COMMD10: variants seen among roughly 807,000 people sequenced by gnomAD.
COMMD10 encodes COMM domain-containing protein 10.
A neutral mutation model predicts 28.9 loss-of-function variants in COMMD10; 33 were observed. The ratio of observed to expected loss-of-function variants is 1.14; its 90% CI spans 0.87 to 1.53. The LOEUF (loss-of-function observed/expected upper bound fraction) is 1.53. Ranked by LOEUF, COMMD10 falls within the 40% of genes most tolerant of loss-of-function variation. The probability of loss-of-function intolerance (pLI) is 0.00; values close to 1 mark genes in which losing one functional copy is unlikely to be tolerated. For synonymous variants in COMMD10, 110 were observed against 81.7 expected, an observed-to-expected ratio of 1.35 and a Z score of -1.87; for missense variants, 310 against 233.4, an observed-to-expected ratio of 1.33 and a Z score of -2.14.
At chr5:116,129,101 T>C (rs1751765617) in intron 4 of COMMD10, among the ~76,000 whole-genome samples, 1 of 151,836 alleles carries the variant, frequency 6.6e-6, no homozygotes, top group South Asian at 2.1e-4. Context: ...TTTGATTCAG[T>C]ATCTACTGAT....
At chr5:116,106,397 C>T (rs1300352303) in intron 4 of COMMD10, among the ~76,000 whole-genome samples, 3 of 152,118 alleles carry the variant, frequency 2.0e-5, no homozygotes, top group Non-Finnish European at 4.4e-5. Context: ...GAGTGTTTTA[C>T]TTCCAATTAT....
chr5:116,276,870 G>T (rs149806663), intron 5 of COMMD10, among the ~76,000 whole-genome samples: 2 of 151,728 alleles, frequency 1.3e-5, no homozygotes, highest in Non-Finnish European at 2.9e-5. Flanking sequence ...GAGGGAGCAG[G>T]GGGTAAGACA....
chr5:116,232,704 A>G (rs542448405), intron 5 of COMMD10, among the ~76,000 whole-genome samples: 1 of 152,314 alleles, frequency 6.6e-6, no homozygotes, highest in South Asian at 2.1e-4. Flanking sequence ...CTCCGTCTCA[A>G]AAAATTAGCA....
chr5:116,245,847 A>C (rs1366525084), intron 5 of COMMD10, among the ~76,000 whole-genome samples: 1 of 152,168 alleles, frequency 6.6e-6, no homozygotes, highest in Non-Finnish European at 1.5e-5. Context: ...TCAAAATGAG[A>C]GTCTTCTATG....
At chr5:116,139,040 C>A (rs12514785) in intron 5 of COMMD10, among the ~76,000 whole-genome samples, 11,035 of 151,638 alleles carry the variant, frequency 0.073, 464 homozygotes, top group Admixed American at 0.13. Context: ...GGATTTGAAT[C>A]CAGGCAATTT....
At chr5:116,193,205 C>G (rs943544761) in intron 5 of COMMD10, among the ~76,000 whole-genome samples, 2 of 152,148 alleles carry the variant, frequency 1.3e-5, no homozygotes, top group Non-Finnish European at 2.9e-5. Context: ...AAAACAGAAC[C>G]TCTTCAAAGA....
chr5:116,087,943 A>G (rs1750165094), intron 2 of COMMD10, among the ~76,000 whole-genome samples: 2 of 152,164 alleles, frequency 1.3e-5, no homozygotes, highest in Admixed American at 1.3e-4. Flanking sequence ...TTAGGGAAAA[A>G]TTCTGATGTC....
intron 5 of COMMD10, among the ~76,000 whole-genome samples, chr5:116,230,616 C>T (rs376444784): frequency 1.3e-5 from 2 of 151,840 alleles, no homozygotes; most frequent in African/African-American, 4.8e-5. Context: ...TAGTAGTGTC[C>T]TATGGGAATC....
At chr5:116,180,238 C>T (rs1439498378) in intron 5 of COMMD10, among the ~76,000 whole-genome samples, 3 of 152,076 alleles carry the variant, frequency 2.0e-5, no homozygotes, top group African/African-American at 2.4e-5. Flanking sequence ...TGGAATAATA[C>T]GTACATTCAG....
At chr5:116,209,970 C>G (rs1368335523) in intron 5 of COMMD10, among the ~76,000 whole-genome samples, 2 of 152,136 alleles carry the variant, frequency 1.3e-5, no homozygotes, top group African/African-American at 4.8e-5. Flanking sequence ...GCTGAGAAAT[C>G]TGAGAGCAGG....
chr5:116,165,806 T>G (rs1753070776), intron 5 of COMMD10, among the ~76,000 whole-genome samples: 2 of 152,166 alleles, frequency 1.3e-5, no homozygotes, highest in South Asian at 4.1e-4. Flanking sequence ...TGTGACCTAA[T>G]TTAACCTTAA....
At chr5:116,133,586 A>G (rs1435754691) in intron 4 of COMMD10, among the ~76,000 whole-genome samples, 1 of 152,166 alleles carries the variant, frequency 6.6e-6, no homozygotes, top group East Asian at 1.9e-4. Flanking sequence ...TTCCCTCTAA[A>G]TTAAAAAGAA....
chr5:116,259,370 T>C (rs1750376556), intron 5 of COMMD10, among the ~76,000 whole-genome samples: 1 of 151,776 alleles, frequency 6.6e-6, no homozygotes, highest in Non-Finnish European at 1.5e-5. Flanking sequence ...TAGCAGTCTT[T>C]TCCATAATTG....
chr5:116,235,172 A>AG (rs1168862834), intron 5 of COMMD10, among the ~76,000 whole-genome samples: 1 of 152,216 alleles, frequency 6.6e-6, no homozygotes, highest in African/African-American at 2.4e-5. Flanking sequence ...AATTGAGAAG[A>AG]GAGAGTGTGG....
At chr5:116,104,553 G>C (rs1418049594) in intron 4 of COMMD10, among the ~76,000 whole-genome samples, 1 of 152,086 alleles carries the variant, frequency 6.6e-6, no homozygotes, top group South Asian at 2.1e-4. Flanking sequence ...TGGTTGAGAT[G>C]ATGGGGTTTT....
At chr5:116,195,447 G>T (rs188738224) in intron 5 of COMMD10, among the ~76,000 whole-genome samples, 3 of 152,106 alleles carry the variant, frequency 2.0e-5, no homozygotes, top group African/African-American at 4.8e-5. Context: ...ACTGGTAAAA[G>T]AATTCAGCAA....
chr5:116,249,301 A>G (rs1750045564), intron 5 of COMMD10, among the ~76,000 whole-genome samples: 2 of 151,960 alleles, frequency 1.3e-5, no homozygotes, highest in African/African-American at 4.8e-5. Context: ...GTAGATAAGT[A>G]TTCGAATCTT....
intron 4 of COMMD10, among the ~76,000 whole-genome samples, chr5:116,113,328 C>T (rs1429866976): frequency 7.3e-6 from 1 of 137,210 alleles, no homozygotes; most frequent in Admixed American, 7.6e-5. Context: ...ATCATGGAGC[C>T]TCCTGTATCT....
chr5:116,210,999 T>C (rs1748949401), intron 5 of COMMD10, among the ~76,000 whole-genome samples: 1 of 152,152 alleles, frequency 6.6e-6, no homozygotes, highest in African/African-American at 2.4e-5. Flanking sequence ...TTGTGTTTAA[T>C]ATTATTTCGG....
Sources: gnomAD v4.1 joint callset for allele counts (sites outside exome capture counted in the v4.1 genomes callset) on GRCh38, gnomAD v4.1.1 for gene constraint, MANE v1.5 for transcripts, NCBI Gene and HGNC (gene_info 2026-07-23, HGNC 2026-07-21) for gene names.